The following RIPOR2 variants were observed in gnomAD, a reference collection of about 807,000 sequenced individuals.
RIPOR2 encodes the protein RHO family interacting cell polarization regulator 2.
In RIPOR2, 39 loss-of-function variants were observed where a neutral mutation model predicts 114.5. The observed-to-expected ratio is 0.34, with a 90% CI of 0.26 to 0.44. RIPOR2 has a LOEUF of 0.44. RIPOR2 is among the 20% of genes least tolerant of loss of function. The pLI, the probability that RIPOR2 is intolerant of heterozygous loss-of-function variation, is 1.00. For missense variants in RIPOR2, 1,007 were observed against 1,255.1 expected, an observed-to-expected ratio of 0.80 and a Z score of 2.99; for synonymous variants, 445 against 484.4, an observed-to-expected ratio of 0.92 and a Z score of 1.07.
chr6:24,956,561 C>T (rs660776), intron 1 of RIPOR2, among the ~76,000 whole-genome samples: 120,829 of 152,114 alleles, frequency 0.79, 51,583 homozygotes, highest in East Asian at 0.96. Context: ...CCTCATGACA[C>T]GCTAGGTAGT....
At chr6:24,839,735 C>A in intron 13 of RIPOR2, 1 of 1,440,042 alleles carries the variant, frequency 6.9e-7, no homozygotes. Context: ...TAAAATACCA[C>A]AAGCAGACAA....
chr6:25,027,713 C>T (rs557676821), intron 1 of RIPOR2, among the ~76,000 whole-genome samples: 1 of 152,234 alleles, frequency 6.6e-6, no homozygotes, highest in Non-Finnish European at 1.5e-5. Context: ...GACTTAGGTG[C>T]TCCTGCCCCA....
intron 6 of RIPOR2, among the ~76,000 whole-genome samples, chr6:24,866,345 C>T (rs945955229): frequency 6.6e-6 from 1 of 152,068 alleles, no homozygotes; most frequent in Non-Finnish European, 1.5e-5. Context: ...TGATAATCAG[C>T]TAATTCTTCT....
intron 8 of RIPOR2, among the ~76,000 whole-genome samples, chr6:24,859,710 CTT>C (rs1763861663): frequency 6.6e-6 from 1 of 152,144 alleles, no homozygotes; most frequent in African/African-American, 2.4e-5. Context: ...CAGACAGGCT[CTT>C]ACATGTCAGT....
intron 8 of RIPOR2, among the ~76,000 whole-genome samples, 182 bp from the exon 9 acceptor site, chr6:24,852,800 A>G (rs1432437669): frequency 6.6e-6 from 1 of 152,182 alleles, no homozygotes; most frequent in Non-Finnish European, 1.5e-5. Flanking sequence ...TCACAGGTAA[A>G]GAAGACATTC....
intron 18 of RIPOR2, 54 bp from the exon 19 acceptor site, chr6:24,825,482 C>T: frequency 7.8e-7 from 1 of 1,276,530 alleles, no homozygotes. Flanking sequence ...AAGTAATCAG[C>T]TCATTACAAA....
chr6:25,029,144 C>T (rs573589873), intron 1 of RIPOR2, among the ~76,000 whole-genome samples: 3 of 152,126 alleles, frequency 2.0e-5, no homozygotes, highest in African/African-American at 7.2e-5. Context: ...AAAAATTAGC[C>T]GGGCATGGTG....
chr6:24,993,617 C>A (rs4712873), intron 1 of RIPOR2, among the ~76,000 whole-genome samples: 1 of 152,214 alleles, frequency 6.6e-6, no homozygotes, highest in Non-Finnish European at 1.5e-5. Flanking sequence ...TGTGTGTGTG[C>A]GTGCACACAT....
At chr6:25,024,331 C>T in intron 1 of RIPOR2, 1 of 1,470,562 alleles carries the variant, frequency 6.8e-7, no homozygotes, top group South Asian at 1.1e-5. Flanking sequence ...AGTTTCAGTG[C>T]CTTCTTCCTG....
chr6:24,840,464 G>A (rs1237106086), intron 13 of RIPOR2: 1 of 1,336,234 alleles, frequency 7.5e-7, no homozygotes, highest in Non-Finnish European at 9.6e-7. Context: ...AATGCCAGTT[G>A]CTATGGGCAC....
At chr6:25,002,422 CT>C (rs1365317836) in intron 1 of RIPOR2, among the ~76,000 whole-genome samples, 1 of 152,210 alleles carries the variant, frequency 6.6e-6, no homozygotes, top group African/African-American at 2.4e-5. Flanking sequence ...CATTGTTCAT[CT>C]TTTTGTTGTT....
chr6:24,978,645 G>T (rs78748841), intron 1 of RIPOR2, among the ~76,000 whole-genome samples: 3,476 of 152,194 alleles, frequency 0.023, 136 homozygotes, highest in East Asian at 0.19. Context: ...GTGAATGGAG[G>T]TTGGGAATAT....
Position 24,883,508 on chromosome 6 carries a change from A to G in RIPOR2, c.62-7691T>C, listed in dbSNP as rs1345678267. On this transcript the variant is annotated intron_variant, in intron 1 of 21. Coordinates refer to ENST00000643898, the MANE Select transcript of RIPOR2 (RefSeq NM_001286445.3). The surrounding 1 kb of genome is among the most constrained non-coding windows in gnomAD (Gnocchi z 4.1). ...CAGAGAGAGGTTTTGGGGGTGGTGG[A>G]AGTGTTCTAAAAGCAAATCATGGAT... Among the ~76,000 whole-genome samples the G allele has an allele frequency of 6.6e-6, 1 of 152,190 alleles. No homozygotes were observed. Among genetic ancestry groups the G allele is most frequent in the Non-Finnish European group, 1.5e-5 (1 of 68,028 alleles).
intron 17 of RIPOR2, among the ~76,000 whole-genome samples, chr6:24,829,065 G>A (rs2113676144): frequency 6.6e-6 from 1 of 152,262 alleles, no homozygotes; most frequent in East Asian, 1.9e-4. Flanking sequence ...TGTAATCCCA[G>A]CACTTTGGGA....
At chr6:24,929,446 T>C (rs527663318) in intron 1 of RIPOR2, 9 of 152,312 alleles carry the variant, frequency 5.9e-5, no homozygotes, top group African/African-American at 2.2e-4. Context: ...GCCTGGACCA[T>C]ACTGAATGAT....
intron 9 of RIPOR2, among the ~76,000 whole-genome samples, chr6:24,851,830 G>T (rs771102276): frequency 1.3e-5 from 2 of 151,960 alleles, no homozygotes; most frequent in Non-Finnish European, 1.5e-5. Context: ...TCCAGGTGAC[G>T]TTAGCTGAAG....
intron 1 of RIPOR2, among the ~76,000 whole-genome samples, chr6:24,932,254 A>C (rs759696517): frequency 3.3e-5 from 5 of 152,120 alleles, no homozygotes; most frequent in African/African-American, 7.2e-5. Context: ...GATTAAGCCT[A>C]CTTGAGAGTA....
At chr6:24,839,460 C>A in intron 13 of RIPOR2, 188 bp from the exon 14 acceptor site, 1 of 1,434,036 alleles carries the variant, frequency 7.0e-7, no homozygotes, top group Non-Finnish European at 9.3e-7. Context: ...TAAAATGGCA[C>A]AATATCTGGG....
chr6:24,970,059 A>T (rs1372242563), intron 1 of RIPOR2, among the ~76,000 whole-genome samples: 1 of 152,150 alleles, frequency 6.6e-6, no homozygotes, highest in South Asian at 2.1e-4. Flanking sequence ...AGAAGAGGCA[A>T]GAGGACTCTG....
Sources: allele counts gnomAD v4.1 joint callset (sites outside exome capture counted in the v4.1 genomes callset), GRCh38; gene constraint gnomAD v4.1.1; non-coding constraint Gnocchi (gnomAD v3.1); transcripts MANE v1.5; gene names NCBI Gene and HGNC (gene_info 2026-07-23, HGNC 2026-07-21).